TENT4A: variants seen among roughly 807,000 people sequenced by gnomAD.
The protein encoded by TENT4A is terminal nucleotidyltransferase 4A.
TENT4A carries 7 observed loss-of-function variants against 72.8 expected under a neutral mutation model. The ratio of observed to expected loss-of-function variants is 0.10; its 90% CI spans 0.05 to 0.18. The LOEUF (loss-of-function observed/expected upper bound fraction) is 0.18. Ranked by LOEUF, TENT4A falls within the 10% of genes least tolerant of loss-of-function variation. The probability of loss-of-function intolerance (pLI) is 1.00; values close to 1 mark genes in which losing one functional copy is unlikely to be tolerated. For missense variants in TENT4A, 831 were observed against 1,017.7 expected, an observed-to-expected ratio of 0.82 and a Z score of 2.50; for synonymous variants, 456 against 434.3, an observed-to-expected ratio of 1.05 and a Z score of -0.62.
chr5:6,750,664 A>C, intron 10 of TENT4A, 161 bp downstream of exon 10: 1 of 628,162 alleles, frequency 1.6e-6, no homozygotes, highest in South Asian at 2.3e-5. Context: ...TGTGGGCACC[A>C]GGCTTCCTTT....
intron 1 of TENT4A, chr5:6,715,203 G>A (rs2126588475): frequency 6.6e-6 from 1 of 152,328 alleles, no homozygotes; most frequent in African/African-American, 2.4e-5. Flanking sequence ...GGGGTGTTGT[G>A]TCCTTTAATT....
chr5:6,721,748 A>G (rs1740664087), intron 1 of TENT4A, among the ~76,000 whole-genome samples: 1 of 152,226 alleles, frequency 6.6e-6, no homozygotes, highest in African/African-American at 2.4e-5. Flanking sequence ...CCCTGTTGGC[A>G]GAGAATGTCT....
At position 6,756,497 on chromosome 5, in the gene TENT4A, G is replaced by A. The variant is rs181992032; in HGVS notation, c.*1552G>A. 1 of 152,280 alleles carries A rather than the reference G, an allele frequency of 6.6e-6. No individual in the cohort carries two copies. Among genetic ancestry groups the A allele is most frequent in the African/African-American group, 2.4e-5 (1 of 41,400 alleles). The allele number at this position is 152,280 out of a possible 1,614,324, so 9.4% of individuals were successfully genotyped here. On this transcript the variant is annotated 3_prime_UTR_variant, in exon 13 of 13. Transcript: ENST00000230859. ...AGATTGATCTCTGAATGTGATCGAC[G>A]CCCAGCAAGGACAAGCTTTAAAATG... is the stretch of plus-strand genomic sequence containing the variant.
Position 6,754,928 on chromosome 5 carries a change from G to T in TENT4A, c.2362G>T (p.Val788Leu). ...KHTHTRDSLP[V>L]SLSR ...CACACACACACGGGACAGTCTGCCC[G>T]TGAGCCTCAGCAGATAATGGCTCCT... Residue 788 changes from valine (V) to leucine (L), a missense_variant, in exon 13 of 13, where the codon GTG (valine) becomes TTG (leucine). Physicochemically the swap from Val to Leu is conservative, Grantham distance 32. Around this residue, in one of 3 missense-constraint regions of TENT4A, gnomAD observed 332 missense variants for 324.3 expected, o/e 1.02. Coordinates refer to ENST00000230859, the MANE Select transcript of TENT4A (RefSeq NM_006999.6). The T allele has an allele frequency of 1.3e-6, 2 of 1,582,096 alleles. No individual in the cohort carries two copies. Among genetic ancestry groups the T allele is most frequent in the African/African-American group, 1.3e-5 (1 of 74,512 alleles).
At chr5:6,714,831 C>T (rs1027026653) in intron 1 of TENT4A, 132 bp downstream of exon 1, 6 of 389,568 alleles carry the variant, frequency 1.5e-5, no homozygotes, top group African/African-American at 8.4e-5. Context: ...CAAGGCCCGA[C>T]TCTGCACTGA....
At chr5:6,729,143 G>A (rs1258783794) in intron 1 of TENT4A, among the ~76,000 whole-genome samples, 1 of 152,236 alleles carries the variant, frequency 6.6e-6, no homozygotes, top group Non-Finnish European at 1.5e-5. Context: ...CTTCCTGAGT[G>A]TGGCTTCCAG....
intron 1 of TENT4A, among the ~76,000 whole-genome samples, chr5:6,718,764 A>G (rs1000774741): frequency 6.6e-6 from 1 of 152,182 alleles, no homozygotes; most frequent in Non-Finnish European, 1.5e-5. Context: ...ATCGAGTGCA[A>G]GACACTGGCT....
chr5:6,716,551 A>G (rs375763408), intron 1 of TENT4A, among the ~76,000 whole-genome samples: 34 of 152,208 alleles, frequency 2.2e-4, no homozygotes, highest in Non-Finnish European at 1.0e-4. Flanking sequence ...GTCCTTTCCC[A>G]TCACAGGTAA....
chr5:6,733,746 A>G (rs902893734), intron 1 of TENT4A, among the ~76,000 whole-genome samples: 1 of 152,182 alleles, frequency 6.6e-6, no homozygotes, highest in Admixed American at 6.5e-5. Context: ...CATATTCAGT[A>G]TTTGAAGTCA....
At chr5:6,743,951 T>C in intron 6 of TENT4A, 111 bp downstream of exon 6, 1 of 963,616 alleles carries the variant, frequency 1.0e-6, no homozygotes, top group Non-Finnish European at 1.6e-6. Flanking sequence ...TACTGTATTG[T>C]TTCAATTTGG....
At position 6,714,265 on chromosome 5, in the gene TENT4A, C is replaced by A. The variant is rs1213213885; in HGVS notation, c.282C>A (p.Pro94=). The A allele has an allele frequency of 5.8e-5, 61 of 1,053,278 alleles. No individual in the cohort carries two copies. Among genetic ancestry groups the A allele is most frequent in the Non-Finnish European group, 6.3e-5 (55 of 876,186 alleles). The allele number at this position is 1,053,278 out of a possible 1,614,324, so 65.2% of individuals were successfully genotyped here. Residue 94 remains proline, a synonymous_variant, in exon 1 of 13, where the codon CCC becomes CCA. Transcript: ENST00000230859. ...LPPALLTALG[P]AAEGARRLHK... Reference sequence around the variant, plus strand: ...CCGCGCTGCTGACGGCGCTGGGGCCCGCGGCCGAGGGCGCGCGGCGCTTGC... The same window carrying A: ...CCGCGCTGCTGACGGCGCTGGGGCCAGCGGCCGAGGGCGCGCGGCGCTTGC...
At position 6,754,973 on chromosome 5, in the gene TENT4A, A is replaced by C. The variant is rs1579507824; in HGVS notation, c.*28A>C. ...GCTCCTGGCTGCGTCAGCCTCCCCC[A>C]CCCCTCTGCAGACTGCCCCGCGGCC... is the stretch of plus-strand genomic sequence containing the variant. On this transcript the variant is annotated 3_prime_UTR_variant, in exon 13 of 13. Coordinates refer to ENST00000230859, the MANE Select transcript of TENT4A (RefSeq NM_006999.6). 1 of 1,534,622 alleles carries C rather than the reference A, an allele frequency of 6.5e-7. No homozygotes were observed. The highest frequency in any genetic ancestry group is 1.2e-5 in the South Asian group (1 of 80,696).
At chr5:6,724,325 C>T (rs544656775) in intron 1 of TENT4A, among the ~76,000 whole-genome samples, 9 of 152,176 alleles carry the variant, frequency 5.9e-5, no homozygotes, top group Non-Finnish European at 7.4e-5. Flanking sequence ...TTATAGGCAT[C>T]GTCTCTAAAC....
intron 1 of TENT4A, among the ~76,000 whole-genome samples, chr5:6,733,637 A>G (rs1295625900): frequency 2.0e-5 from 3 of 152,266 alleles, no homozygotes; most frequent in Admixed American, 6.5e-5. Context: ...ATGTGAGAAC[A>G]TAAGACTAAA....
At chr5:6,750,683 G>T in intron 10 of TENT4A, 180 bp downstream of exon 10, 1 of 589,598 alleles carries the variant, frequency 1.7e-6, no homozygotes. Flanking sequence ...TTCCCCTGCC[G>T]TGAACCTTCA....
intron 8 of TENT4A, among the ~76,000 whole-genome samples, chr5:6,749,257 G>A (rs544327338): frequency 2.0e-5 from 3 of 152,264 alleles, no homozygotes; most frequent in African/African-American, 7.2e-5. Context: ...ATTCTCGTCC[G>A]TGCAGTGGGA....
intron 4 of TENT4A, among the ~76,000 whole-genome samples, chr5:6,740,235 AT>A (rs1741726577): frequency 6.6e-6 from 1 of 152,158 alleles, no homozygotes; most frequent in Non-Finnish European, 1.5e-5. Context: ...GGTTTTTATG[AT>A]TACCATTTGC....
chr5:6,717,295 C>T (rs274725), intron 1 of TENT4A, among the ~76,000 whole-genome samples: 1 of 152,070 alleles, frequency 6.6e-6, no homozygotes, highest in Non-Finnish European at 1.5e-5. Flanking sequence ...GACCTTGTTG[C>T]TGAGAAGCTG....
chr5:6,714,052 C>G lies in TENT4A; in HGVS notation c.69C>G (p.Ile23Met). The G allele has an allele frequency of 1.0e-6, 1 of 995,372 alleles. No homozygotes were observed. Among genetic ancestry groups the G allele is most frequent in the Non-Finnish European group, 1.2e-6 (1 of 837,088 alleles). The allele number at this position is 995,372 out of a possible 1,614,324, so 61.7% of individuals were successfully genotyped here. The change falls in exon 1 of 13, where the codon ATC becomes ATG. Residue 23 changes from isoleucine (I) to methionine (M), a missense_variant. Physicochemically the swap from Ile to Met is conservative, Grantham distance 10 (BLOSUM62 1). Around this residue, in one of 3 missense-constraint regions of TENT4A, gnomAD observed 302 missense variants for 293.8 expected, o/e 1.03. Transcript: ENST00000230859. ...KGPANALWMQ[I>M]WETSQGVGRG... ...CGGCCAATGCCCTGTGGATGCAGAT[C>G]TGGGAGACCTCGCAGGGCGTGGGCC...
Sources: allele counts gnomAD v4.1 joint callset (sites outside exome capture counted in the v4.1 genomes callset), GRCh38; gene constraint gnomAD v4.1.1; regional missense constraint gnomAD v4.1.1; transcripts MANE v1.5; gene names NCBI Gene and HGNC (gene_info 2026-07-23, HGNC 2026-07-21).